PLOD1: variants seen among roughly 807,000 people sequenced by gnomAD.
The protein encoded by PLOD1 is lysine hydroxylase.
In PLOD1, 70 loss-of-function variants were observed where a neutral mutation model predicts 94.7. The ratio of observed to expected loss-of-function variants is 0.74; its 90% CI spans 0.61 to 0.90. The LOEUF (loss-of-function observed/expected upper bound fraction) is 0.90, where lower values mean the gene tolerates loss of function less well. PLOD1 is among the 40% of genes least tolerant of loss of function. The probability of loss-of-function intolerance (pLI) is 0.00; values close to 1 mark genes in which losing one functional copy is unlikely to be tolerated. For missense variants in PLOD1, 905 were observed against 972.7 expected (o/e 0.93, Z 0.93); for synonymous variants, 417 against 400.2 (o/e 1.04, Z -0.50).
chr1:11,950,258 A>G (rs1645689636), intron 3 of PLOD1, 99 bp from the exon 4 acceptor site: 1 of 1,217,504 alleles, frequency 8.2e-7, no homozygotes, highest in Admixed American at 1.8e-5. Flanking sequence ...GCAGAGGGCC[A>G]TTTGTGGAGC....
chr1:11,948,474 C>T (rs1322604391), intron 2 of PLOD1, among the ~76,000 whole-genome samples: 1 of 152,184 alleles, frequency 6.6e-6, no homozygotes, highest in Non-Finnish European at 1.5e-5. Context: ...GGGGCTCACG[C>T]CTGTATTCCC....
intron 16 of PLOD1, among the ~76,000 whole-genome samples, chr1:11,970,145 GGAGGCT>G (rs1163827250): frequency 6.6e-6 from 1 of 152,124 alleles, no homozygotes; most frequent in African/African-American, 2.4e-5. Flanking sequence ...CAGCTACTCG[GGAGGCT>G]GAGGCAGGAG....
rs749523957 is a variant in PLOD1, at chr1:11,934,779, C to G, written c.-1C>G. The G allele has an allele frequency of 5.9e-6, 9 of 1,537,592 alleles. No homozygotes were observed. In the South Asian group the frequency reaches 9.6e-5, roughly 16 times the overall value. On this transcript the variant is annotated 5_prime_UTR_variant, in exon 1 of 19. Transcript: ENST00000196061. ...GGCCGATCGTCCCCCATACCTCGGC[C>G]ATGCGGCCCCTGCTGCTACTGGCCC...
At chr1:11,962,271 TTTC>T (rs1413583765) in intron 10 of PLOD1, among the ~76,000 whole-genome samples, 3 of 122,806 alleles carry the variant, frequency 2.4e-5, no homozygotes, top group Non-Finnish European at 4.8e-5. Context: ...TGATTTTTGT[TTTC>T]TTTTTTTTTT....
At position 11,969,485 on chromosome 1, in the gene PLOD1, G is replaced by A. The variant is rs574192082; in HGVS notation, c.1756-1185G>A. Among the ~76,000 whole-genome samples the A allele has an allele frequency of 2.2e-4, 34 of 152,332 alleles. No homozygotes were observed. The Middle Eastern group carries it at 0.01, about 46-fold the overall frequency. ...GAAGCCAGGAACTGGACTAGCCCGT[G>A]CATTCTGGGGGCTGGCTGATGCTTG... On this transcript the variant is annotated intron_variant, in intron 16 of 18. Coordinates refer to ENST00000196061, the MANE Select transcript of PLOD1 (RefSeq NM_000302.4).
At chr1:11,964,327 T>TGGGGGGGGGGTGGGG in intron 12 of PLOD1, 27 bp downstream of exon 12, 1 of 546,362 alleles carries the variant, frequency 1.8e-6, no homozygotes, top group Non-Finnish European at 3.2e-6. Context: ...TGGGGGTGGG[T>TGGGGGGGGGGTGGGG]GGGGGACACC....
intron 12 of PLOD1, 88 bp from the exon 13 acceptor site, chr1:11,964,556 C>T: frequency 7.4e-7 from 1 of 1,350,692 alleles, no homozygotes. Context: ...AGACTCCAGG[C>T]TATGACTCCC....
chr1:11,959,506 G>A (rs578243042), intron 9 of PLOD1, among the ~76,000 whole-genome samples: 5 of 149,982 alleles, frequency 3.3e-5, no homozygotes, highest in African/African-American at 9.8e-5. Context: ...GCAGTGGCAC[G>A]ATCTCGGCTC....
At chr1:11,939,059 A>T (rs527701553) in intron 1 of PLOD1, among the ~76,000 whole-genome samples, 15 of 152,174 alleles carry the variant, frequency 9.9e-5, no homozygotes, top group Non-Finnish European at 2.2e-4. Context: ...CTTCTAGCAG[A>T]TCTCCAGCTC....
rs574781992 is a variant in PLOD1 at position 11,963,543 on chromosome 1, G to T, written c.1109G>T (p.Arg370Leu). Residue 370 changes from arginine (R) to leucine (L), a missense_variant, in exon 11 of 19, where the codon CGG becomes CTG. Transcript: ENST00000196061. The surrounding 1 kb of genome is among the most constrained non-coding windows in gnomAD (Gnocchi z 4.3). ...CCTCCTCCTTGCAGAGACCTGTGCCGGCAGGACCGCAGCTGCACCTACTAC... is the reference window on the plus strand; with the variant it reads ...CCTCCTCCTTGCAGAGACCTGTGCCTGCAGGACCGCAGCTGCACCTACTAC... ...DARNMGADLC[R>L]QDRSCTYYFS... 5.6e-6 allele frequency: 9 copies of T among 1,598,494 alleles called. No homozygotes were observed. In the East Asian group the frequency reaches 6.8e-5, roughly 12 times the overall value.
chr1:11,953,619 C>T (rs1557489247), intron 5 of PLOD1, among the ~76,000 whole-genome samples: 1 of 151,496 alleles, frequency 6.6e-6, no homozygotes, highest in Non-Finnish European at 1.5e-5. Flanking sequence ...TGATGAAACC[C>T]TGTCTCTACT....
chr1:11,940,802 ACAT>A (rs1475308348), intron 1 of PLOD1, among the ~76,000 whole-genome samples: 3 of 152,214 alleles, frequency 2.0e-5, no homozygotes, highest in African/African-American at 7.2e-5. Flanking sequence ...TGAATCTTCC[ACAT>A]CCATGCCTTA....
Position 11,964,164 on chromosome 1 carries a change from C to T in PLOD1, c.1203-11C>T. ...GCAGCGACCTCCTACTGAGGTGCTC[C>T]CTTCCCTCAGGAACGTCATTGCCCC... On this transcript the variant is annotated splice_polypyrimidine_tract_variant and intron_variant, in intron 11 of 18. Coordinates refer to ENST00000196061, the MANE Select transcript of PLOD1 (RefSeq NM_000302.4). The T allele has an allele frequency of 1.2e-6, 2 of 1,613,644 alleles. No homozygotes were observed. The highest frequency in any genetic ancestry group is 1.7e-6 in the Non-Finnish European group (2 of 1,179,770).
chr1:11,937,505 G>T (rs963680108), intron 1 of PLOD1, among the ~76,000 whole-genome samples: 2 of 152,176 alleles, frequency 1.3e-5, no homozygotes, highest in African/African-American at 2.4e-5. Context: ...CACTGGCCAG[G>T]AGCCCTGTTG....
At chr1:11,967,597 G>GCATATATATATATATATATATATATA in intron 16 of PLOD1, among the ~76,000 whole-genome samples, 1 of 59,786 alleles carries the variant, frequency 1.7e-5, no homozygotes, top group South Asian at 8.9e-4. Flanking sequence ...GTGTGTGTGT[G>GCATATATATATATATATATATATATA]TATATATATA....
chr1:11,939,683 C>T (rs1008202605), intron 1 of PLOD1, among the ~76,000 whole-genome samples: 4 of 152,170 alleles, frequency 2.6e-5, no homozygotes, highest in Non-Finnish European at 5.9e-5. Context: ...TCTCAGCTCA[C>T]TGCAACCTCT....
chr1:11,943,275 AC>A (rs1488136670), intron 1 of PLOD1, among the ~76,000 whole-genome samples: 1 of 147,398 alleles, frequency 6.8e-6, no homozygotes, highest in Non-Finnish European at 1.5e-5. Flanking sequence ...GGCATGAGCC[AC>A]CGTGCCCGGC....
chr1:11,967,823 C>T (rs1645832624), intron 16 of PLOD1, among the ~76,000 whole-genome samples: 2 of 150,794 alleles, frequency 1.3e-5, no homozygotes, highest in Admixed American at 1.3e-4. Context: ...AATCTTGGCT[C>T]ATTGCAACCT....
In PLOD1 at chr1:11,952,713, T is replaced by C. The variant is rs1645711864; in HGVS notation, c.557T>C (p.Ile186Thr). The C allele has an allele frequency of 1.2e-6, 2 of 1,612,584 alleles. No individual in the cohort carries two copies. Among genetic ancestry groups the C allele is most frequent in the Non-Finnish European group, 8.5e-7 (1 of 1,178,784 alleles). The change falls in exon 5 of 19, where the codon ATC becomes ACC. Residue 186 changes from isoleucine to threonine, a missense_variant. Coordinates refer to ENST00000196061, the MANE Select transcript of PLOD1 (RefSeq NM_000302.4). ...AGCGATCAGCTGTTTTACACCAAGA[T>C]CTTCTTGGACCCGGAGAAGAGGGTA... Reference protein sequence around the residue: ...SDSDQLFYTKIFLDPEKREQI... With the variant: ...SDSDQLFYTKTFLDPEKREQI...
Sources: gnomAD v4.1 joint callset for allele counts (sites outside exome capture counted in the v4.1 genomes callset) on GRCh38, gnomAD v4.1.1 for gene constraint, Gnocchi (gnomAD v3.1) non-coding constraint, MANE v1.5 for transcripts, NCBI Gene and HGNC (gene_info 2026-07-23, HGNC 2026-07-21) for gene names.